RTKN2: variants seen among roughly 807,000 people sequenced by gnomAD.
RTKN2 encodes the protein rhotekin-2.
RTKN2 carries 69 observed loss-of-function variants against 71.5 expected under a neutral mutation model. That is an observed-to-expected ratio of 0.96 (90% CI 0.79 to 1.18). The LOEUF is 1.18. RTKN2 is among the 50% of genes most tolerant of loss of function. The pLI, the probability that RTKN2 is intolerant of heterozygous loss-of-function variation, is 0.00. For synonymous variants in RTKN2, 236 were observed against 236.5 expected (o/e 1.00, Z 0.02); for missense variants, 724 against 719.7 (o/e 1.01, Z -0.07).
intron 9 of RTKN2, among the ~76,000 whole-genome samples, chr10:62,209,141 G>A (rs1263383743): frequency 6.6e-6 from 1 of 152,116 alleles, no homozygotes; most frequent in Admixed American, 6.6e-5. Context: ...GGTGGCGCAT[G>A]CCTGTAATCC....
intron 7 of RTKN2, among the ~76,000 whole-genome samples, chr10:62,219,486 G>C (rs919747769): frequency 9.9e-5 from 15 of 152,130 alleles, no homozygotes; most frequent in African/African-American, 3.4e-4. Context: ...ATCTTGAATG[G>C]ACTCTGAGGA....
chr10:62,220,205 T>A (rs914934637), intron 7 of RTKN2, among the ~76,000 whole-genome samples: 1 of 152,232 alleles, frequency 6.6e-6, no homozygotes, highest in Non-Finnish European at 1.5e-5. Context: ...GATTCTACTA[T>A]AGAATAGTAC....
intron 5 of RTKN2, among the ~76,000 whole-genome samples, chr10:62,236,752 G>A (rs1162984320): frequency 5.3e-5 from 8 of 151,962 alleles, no homozygotes; most frequent in Admixed American, 2.6e-4. Flanking sequence ...AATAAGCTAC[G>A]TGTGTATACA....
intron 1 of RTKN2, among the ~76,000 whole-genome samples, chr10:62,265,284 C>T (rs1842849496): frequency 6.6e-6 from 1 of 152,268 alleles, no homozygotes; most frequent in East Asian, 1.9e-4. Context: ...GGAGCACAGA[C>T]ACACTCATTC....
intron 8 of RTKN2, among the ~76,000 whole-genome samples, chr10:62,187,277 CAAA>C (rs35517716): frequency 1.7e-5 from 2 of 120,276 alleles, no homozygotes; most frequent in African/African-American, 5.6e-5. Flanking sequence ...TCACAAATCA[CAAA>C]AAAAAAAAAA....
intron 6 of RTKN2, among the ~76,000 whole-genome samples, chr10:62,226,792 C>T (rs1842032901): frequency 6.6e-6 from 1 of 152,060 alleles, no homozygotes; most frequent in African/African-American, 2.4e-5. Flanking sequence ...TTAAAGAAAA[C>T]TGTGGAGAAA....
chr10:62,255,345 G>C (rs1251767338), intron 2 of RTKN2, among the ~76,000 whole-genome samples: 1 of 152,192 alleles, frequency 6.6e-6, no homozygotes, highest in East Asian at 1.9e-4. Context: ...TGATTCACCA[G>C]TAAAGGGAGC....
At chr10:62,247,542 G>A (rs1486705363) in intron 2 of RTKN2, among the ~76,000 whole-genome samples, 2 of 151,892 alleles carry the variant, frequency 1.3e-5, no homozygotes, top group African/African-American at 4.8e-5. Context: ...AATACTCATT[G>A]TTTATTTCAA....
intron 6 of RTKN2, among the ~76,000 whole-genome samples, chr10:62,227,303 A>G (rs1341800730): frequency 6.6e-6 from 1 of 152,194 alleles, no homozygotes; most frequent in African/African-American, 2.4e-5. Context: ...GATTAAGGTC[A>G]GGGGAGAGTG....
At chr10:62,261,778 C>CT (rs1429346635) in intron 2 of RTKN2, among the ~76,000 whole-genome samples, 14 of 152,168 alleles carry the variant, frequency 9.2e-5, no homozygotes, top group Admixed American at 2.0e-4. Flanking sequence ...ATCTCAGACT[C>CT]TGACTGGTGT....
At position 62,196,531 on chromosome 10, in the gene RTKN2, A is replaced by G. The variant is rs1250500003; in HGVS notation, c.*1377T>C. On this transcript the variant is annotated 3_prime_UTR_variant, in exon 12 of 12. Transcript: ENST00000373789. Reference sequence around the variant, plus strand: ...TGAAAATAATGAAAGGCTCCATTTAAATTAATGTGGTTTTTTGGTCAAGTG... The same window carrying G: ...TGAAAATAATGAAAGGCTCCATTTAGATTAATGTGGTTTTTTGGTCAAGTG... 2.0e-6 allele frequency: 2 copies of G among 985,274 alleles called. No individual in the cohort carries two copies. Among genetic ancestry groups the G allele is most frequent in the Admixed American group, 6.1e-5 (1 of 16,262 alleles). 61.0% of individuals were successfully genotyped at this position (985,274 alleles called of 1,614,324 possible). A position where few individuals can be genotyped will look rare whatever the true frequency, so the allele number is the denominator to read the frequency against.
rs111925785 is a variant in RTKN2 at position 62,216,934 on chromosome 10, T to C, written c.1020+184A>G. ...CATTACTATGTTTTCTTAGGAAATA[T>C]ACATTTTCTTATAACAGATAAGCTC... On this transcript the variant is annotated intron_variant, in intron 9 of 11. Transcript: ENST00000373789. Among the ~76,000 whole-genome samples the C allele has an allele frequency of 4.2e-3, 632 of 152,248 alleles. 2 individuals carry two copies. Among genetic ancestry groups the C allele is most frequent in the African/African-American group, 0.014 (597 of 41,568 alleles).
intron 2 of RTKN2, among the ~76,000 whole-genome samples, chr10:62,253,599 C>A (rs1472833056): frequency 6.6e-6 from 1 of 152,100 alleles, no homozygotes; most frequent in Non-Finnish European, 1.5e-5. Context: ...AAAACCTCAA[C>A]ATGTTCCATA....
intron 2 of RTKN2, among the ~76,000 whole-genome samples, chr10:62,257,463 C>T (rs532987974): frequency 6.6e-6 from 1 of 152,112 alleles, no homozygotes; most frequent in Non-Finnish European, 1.5e-5. Context: ...AACTTTGAGG[C>T]AGGTGTGGTG....
chr10:62,236,321 A>G (rs1385464854), intron 5 of RTKN2, 58 bp from the exon 6 acceptor site: 2 of 1,109,642 alleles, frequency 1.8e-6, no homozygotes, highest in African/African-American at 1.6e-5. Context: ...ATAAAATTAT[A>G]CCATTCTTTT....
intron 6 of RTKN2, among the ~76,000 whole-genome samples, chr10:62,225,776 TTTC>T (rs1842008014): frequency 6.8e-6 from 1 of 148,056 alleles, no homozygotes; most frequent in Non-Finnish European, 1.5e-5. Flanking sequence ...ACAACTGTAT[TTTC>T]TTTTCTTTTT....
chr10:62,229,592 C>A (rs1418482009), intron 6 of RTKN2, among the ~76,000 whole-genome samples: 1 of 152,148 alleles, frequency 6.6e-6, no homozygotes, highest in Non-Finnish European at 1.5e-5. Flanking sequence ...TTTGAGTAGT[C>A]TTCACTTTAG....
intron 7 of RTKN2, among the ~76,000 whole-genome samples, chr10:62,218,686 T>G (rs1424656682): frequency 1.3e-5 from 2 of 152,254 alleles, no homozygotes; most frequent in Non-Finnish European, 2.9e-5. Context: ...CTTTTTGTTC[T>G]GATTTTCATT....
chr10:62,235,664 A>AGG (rs1258067446), intron 6 of RTKN2, among the ~76,000 whole-genome samples: 1,526 of 80,882 alleles, frequency 0.019, 25 homozygotes, highest in African/African-American at 0.071. Flanking sequence ...TATATGTATA[A>AGG]GGTGTGTGTG....
Sources: gnomAD v4.1 joint callset for allele counts (sites outside exome capture counted in the v4.1 genomes callset) on GRCh38, gnomAD v4.1.1 for gene constraint, MANE v1.5 for transcripts, NCBI Gene and HGNC (gene_info 2026-07-23, HGNC 2026-07-21) for gene names.